The following MPP3 variants were observed in gnomAD, a reference collection of about 807,000 sequenced individuals.
The protein encoded by MPP3 is MAGUK p55 subfamily member 3.
A neutral mutation model predicts 80.7 loss-of-function variants in MPP3; 48 were observed. The ratio of observed to expected loss-of-function variants is 0.59; its 90% CI spans 0.47 to 0.76. The LOEUF (loss-of-function observed/expected upper bound fraction) is 0.76, where lower values mean the gene tolerates loss of function less well. Among genes scored for constraint, MPP3 ranks in the 30% least tolerant of loss-of-function variants. The probability of loss-of-function intolerance (pLI) is 0.00; values close to 1 mark genes in which losing one functional copy is unlikely to be tolerated. For missense variants in MPP3, 620 were observed against 763.0 expected, an observed-to-expected ratio of 0.81 and a Z score of 2.21; for synonymous variants, 311 against 297.6, an observed-to-expected ratio of 1.04 and a Z score of -0.46.
At chr17:43,829,583 G>A in intron 7 of MPP3, 71 bp downstream of exon 7, 1 of 1,566,668 alleles carries the variant, frequency 6.4e-7, no homozygotes, top group Non-Finnish European at 8.7e-7. Flanking sequence ...GGAGGATCTT[G>A]TCCAGTGTTC....
At chr17:43,822,817 C>T (rs748127359) in intron 10 of MPP3, among the ~76,000 whole-genome samples, 10 of 152,228 alleles carry the variant, frequency 6.6e-5, no homozygotes, top group South Asian at 2.1e-4. Flanking sequence ...CATCTCTTTG[C>T]CTAAGGACTT....
At position 43,818,106 on chromosome 17, in the gene MPP3, G is replaced by A. The variant is rs867740818; in HGVS notation, c.886C>T (p.Leu296=). 2.6e-6 allele frequency: 4 copies of A among 1,554,814 alleles called. No individual in the cohort carries two copies. In the Middle Eastern group the frequency reaches 5.1e-4, roughly 198 times the overall value. ...GTGCCCGCGGCTCTCCGGTAGCTTA[G>A]TCGTCTGCAGGGACACAAGGGGATG... The part of the protein sequence containing the change: ...IPSKGFQERR[L]SYRRAAGTLP... Residue 296 remains leucine (L), a synonymous_variant, in exon 12 of 20, where the codon CTA becomes TTA. Transcript: ENST00000398389.
intron 19 of MPP3, among the ~76,000 whole-genome samples, chr17:43,806,949 T>A (rs1304627912): frequency 1.3e-5 from 2 of 152,064 alleles, no homozygotes. Flanking sequence ...TAAGTTGATA[T>A]TCCCCTATTC....
In MPP3 at chr17:43,829,756, C is replaced by A. The variant is rs2045876210; in HGVS notation, c.339G>T (p.Lys113Asn). ...GAGGCGGGAGAACGGGGTCAAAATT[C>A]TTCTGGGCAACCGTGTCATGTACCA... is the stretch of plus-strand genomic sequence containing the variant. ...VLMVHDTVAQ[K>N]NFDPVLPPLP... is the part of the protein sequence containing the mutation. Residue 113 changes from lysine (K) to asparagine (N), a missense_variant, in exon 7 of 20, where the codon AAG becomes AAT. By Grantham distance (94) the Lys-to-Asn change is moderately conservative. Coordinates refer to ENST00000398389, the MANE Select transcript of MPP3 (RefSeq NM_001932.6). The A allele has an allele frequency of 1.9e-6, 3 of 1,613,864 alleles. No individual in the cohort carries two copies. Among genetic ancestry groups the A allele is most frequent in the African/African-American group, 2.7e-5 (2 of 74,894 alleles).
At chr17:43,819,401 G>T (rs926942923) in intron 11 of MPP3, among the ~76,000 whole-genome samples, 3 of 152,210 alleles carry the variant, frequency 2.0e-5, no homozygotes, top group African/African-American at 7.2e-5. Context: ...GTGAAGAATT[G>T]GGAACAACCT....
intron 14 of MPP3, 107 bp from the exon 15 acceptor site, chr17:43,814,468 C>T (rs2045019321): frequency 8.6e-7 from 1 of 1,162,618 alleles, no homozygotes; most frequent in African/African-American, 1.5e-5. Context: ...GGACTGAGTC[C>T]CACTGACTTC....
intron 15 of MPP3, 28 bp from the exon 16 acceptor site, chr17:43,814,119 G>A (rs1366665827): frequency 3.1e-6 from 5 of 1,604,982 alleles, no homozygotes; most frequent in Non-Finnish European, 4.3e-6. Context: ...GGCTGACCAG[G>A]GTCCCTGCTG....
chr17:43,805,292 A>G (rs1000443985), intron 19 of MPP3, among the ~76,000 whole-genome samples: 7 of 152,236 alleles, frequency 4.6e-5, no homozygotes, highest in Non-Finnish European at 4.4e-5. Context: ...ACCTACTAGT[A>G]GTGCTATGAT....
chr17:43,822,315 TCTC>T (rs2045498287), intron 10 of MPP3, among the ~76,000 whole-genome samples: 1 of 152,166 alleles, frequency 6.6e-6, no homozygotes, highest in East Asian at 1.9e-4. Flanking sequence ...TCGACTGACA[TCTC>T]CTCTGTGCTA....
At chr17:43,820,786 G>A in intron 11 of MPP3, 76 bp downstream of exon 11, 1 of 1,411,086 alleles carries the variant, frequency 7.1e-7, no homozygotes, top group African/African-American at 1.4e-5. Flanking sequence ...TGTGAGGGCA[G>A]AGACTTGGGG....
intron 19 of MPP3, among the ~76,000 whole-genome samples, chr17:43,807,378 C>T (rs549557353): frequency 6.6e-6 from 1 of 151,006 alleles, no homozygotes; most frequent in Non-Finnish European, 1.5e-5. Context: ...GTGGCATGGT[C>T]ATGGCTCACT....
chr17:43,824,572 A>G (rs1394396688), intron 9 of MPP3, among the ~76,000 whole-genome samples: 1 of 152,118 alleles, frequency 6.6e-6, no homozygotes. Context: ...CCAGGGGCCC[A>G]ACAAAGGAAG....
chr17:43,812,618 T>G (rs990786985), intron 16 of MPP3, among the ~76,000 whole-genome samples: 19 of 152,186 alleles, frequency 1.2e-4, no homozygotes, highest in Non-Finnish European at 2.2e-4. Context: ...GAACCCAGCA[T>G]AAAAGTCACT....
intron 3 of MPP3, 94 bp downstream of exon 3, chr17:43,831,788 C>G: frequency 6.9e-7 from 1 of 1,452,442 alleles, no homozygotes; most frequent in Non-Finnish European, 9.4e-7. Context: ...TGAGGACATT[C>G]TCTCCCCAGG....
intron 18 of MPP3, among the ~76,000 whole-genome samples, chr17:43,809,411 T>G (rs2154591177): frequency 6.6e-6 from 1 of 152,292 alleles, no homozygotes; most frequent in South Asian, 2.1e-4. Context: ...ACCTTCCATT[T>G]CTGATGGGTG....
In MPP3 at chr17:43,827,716, C is replaced by A. The variant is rs775184670; in HGVS notation, c.523+35G>T. The A allele has an allele frequency of 8.1e-6, 13 of 1,601,732 alleles. No homozygotes were observed. In the East Asian group the frequency reaches 2.9e-4, roughly 36 times the overall value. ...AGGGCTCTGGAACAATGGCCATGAT[C>A]GGGGCTGGGCCAGCTTTGCACTGCC... is the stretch of plus-strand genomic sequence containing the variant. On this transcript the variant is annotated intron_variant, in intron 8 of 19. Transcript: ENST00000398389.
intron 18 of MPP3, among the ~76,000 whole-genome samples, chr17:43,810,471 T>A (rs1159800614): frequency 6.6e-6 from 1 of 151,942 alleles, no homozygotes; most frequent in African/African-American, 2.4e-5. Context: ...CAGTTTCACC[T>A]GGGTACTGAC....
At chr17:43,826,328 T>C (rs2045694277) in intron 8 of MPP3, among the ~76,000 whole-genome samples, 1 of 152,228 alleles carries the variant, frequency 6.6e-6, no homozygotes, top group Non-Finnish European at 1.5e-5. Context: ...TGTCTCTGCA[T>C]ATTAGGGCCC....
At chr17:43,829,823 G>A (rs752696166) in intron 6 of MPP3, 32 bp from the exon 7 acceptor site, 3 of 1,580,828 alleles carry the variant, frequency 1.9e-6, no homozygotes, top group Admixed American at 3.6e-5. Flanking sequence ...AGGAAGGCTG[G>A]CCCGCCGCTC....
Sources: allele counts gnomAD v4.1 joint callset (sites outside exome capture counted in the v4.1 genomes callset), GRCh38; gene constraint gnomAD v4.1.1; transcripts MANE v1.5; gene names NCBI Gene and HGNC (gene_info 2026-07-23, HGNC 2026-07-21).